FGF14: variants seen among roughly 807,000 people sequenced by gnomAD.
FGF14 encodes the protein fibroblast growth factor 14.
FGF14 carries 5 observed loss-of-function variants against 25.5 expected under a neutral mutation model. That is an observed-to-expected ratio of 0.20 (90% CI 0.10 to 0.41). FGF14 has a LOEUF of 0.41. FGF14 is among the 10% of genes least tolerant of loss of function. The pLI, the probability that FGF14 is intolerant of heterozygous loss-of-function variation, is 1.00. For missense variants in FGF14, 222 were observed against 320.1 expected, an observed-to-expected ratio of 0.69 and a Z score of 2.34; for synonymous variants, 138 against 118.3, an observed-to-expected ratio of 1.17 and a Z score of -1.08.
At chr13:102,355,079 C>T (rs77415017) in intron 1 of FGF14, among the ~76,000 whole-genome samples, 10,851 of 152,212 alleles carry the variant, frequency 0.071, 486 homozygotes, top group East Asian at 0.16. Context: ...ACGTCTTTTT[C>T]ACCTCTGTAT....
At chr13:101,916,337 AGGCCGGGGCCGGG>A in intron 1 of FGF14, 103 bp downstream of exon 1, 2 of 1,287,740 alleles carry the variant, frequency 1.6e-6, no homozygotes, top group South Asian at 2.5e-5. Context: ...CTCAGAAGGG[AGGCCGGGGCCGGG>A]GTGGGCCGGG....
intron 1 of FGF14, among the ~76,000 whole-genome samples, chr13:102,026,774 T>A (rs1227315759): frequency 6.6e-6 from 1 of 152,002 alleles, no homozygotes; most frequent in African/African-American, 2.4e-5. Flanking sequence ...TTATTTTGCA[T>A]GTTTTTTCTT....
At chr13:101,927,007 T>C (rs187728201) in intron 1 of FGF14, among the ~76,000 whole-genome samples, 8 of 152,282 alleles carry the variant, frequency 5.3e-5, no homozygotes, top group Admixed American at 3.9e-4. Flanking sequence ...GAGAACATCA[T>C]GGATATTTTT....
intron 3 of FGF14, among the ~76,000 whole-genome samples, chr13:101,854,497 G>C (rs1305137765): frequency 6.6e-6 from 1 of 152,072 alleles, no homozygotes; most frequent in African/African-American, 2.4e-5. Flanking sequence ...GATGGACATG[G>C]TGATGTTTGC....
At chr13:101,998,902 A>G (rs959656699) in intron 1 of FGF14, among the ~76,000 whole-genome samples, 1 of 152,214 alleles carries the variant, frequency 6.6e-6, no homozygotes, top group Non-Finnish European at 1.5e-5. Context: ...GCTCTACAGT[A>G]TGTGCTTATT....
chr13:102,124,752 G>A (rs190788204), intron 1 of FGF14, among the ~76,000 whole-genome samples: 1 of 151,982 alleles, frequency 6.6e-6, no homozygotes, highest in East Asian at 1.9e-4. Context: ...AGCATCTCTG[G>A]CTTGTTCTTG....
chr13:101,920,522 C>T (rs992926116), upstream of FGF14, among the ~76,000 whole-genome samples: 1 of 152,118 alleles, frequency 6.6e-6, no homozygotes, highest in African/African-American at 2.4e-5. Flanking sequence ...TGTAAAGATC[C>T]TAGTACCACA....
Position 102,105,135 on chromosome 13 carries a change from T to C in FGF14, c.209-229839A>G, listed in dbSNP as rs144769658. 5.0e-3 allele frequency among the ~76,000 whole-genome samples: 763 copies of C among 152,228 alleles called. 14 individuals carry two copies. Among genetic ancestry groups the C allele is most frequent in the African/African-American group, 0.017 (723 of 41,528 alleles). ...GGACATTTACTAAAAAACAGAAAAATGAGGCTAGTTGGCTCTTTTCTTAAT... is the reference window on the plus strand; with the variant it reads ...GGACATTTACTAAAAAACAGAAAAACGAGGCTAGTTGGCTCTTTTCTTAAT... On this transcript the variant is annotated intron_variant, in intron 1 of 4. Transcript: ENST00000376131.
At chr13:102,401,458 A>C (rs2058702438) in intron 1 of FGF14, 1 of 1,612,524 alleles carries the variant, frequency 6.2e-7, no homozygotes, top group Non-Finnish European at 8.5e-7. Flanking sequence ...AACATGATGC[A>C]TGTTTCGCTT....
At chr13:101,769,513 T>C (rs1377413226) in intron 3 of FGF14, among the ~76,000 whole-genome samples, 2 of 152,178 alleles carry the variant, frequency 1.3e-5, no homozygotes, top group Non-Finnish European at 1.5e-5. Context: ...CAAATATCTA[T>C]GGCAGCTGCA....
At chr13:102,303,089 C>A (rs1482464623) in intron 1 of FGF14, among the ~76,000 whole-genome samples, 3 of 152,200 alleles carry the variant, frequency 2.0e-5, no homozygotes. Flanking sequence ...CTCTGCTCCA[C>A]CCAAAGTGGA....
chr13:102,368,976 G>T (rs567625419), intron 1 of FGF14, among the ~76,000 whole-genome samples: 1 of 152,272 alleles, frequency 6.6e-6, no homozygotes, highest in East Asian at 1.9e-4. Context: ...TCATTACACT[G>T]TTTCACAGGA....
At chr13:102,131,231 A>G (rs2046183826) in intron 1 of FGF14, among the ~76,000 whole-genome samples, 2 of 152,182 alleles carry the variant, frequency 1.3e-5, no homozygotes, top group Admixed American at 6.5e-5. Flanking sequence ...TTGCTGGCGT[A>G]CTTGCTACTT....
intron 1 of FGF14, among the ~76,000 whole-genome samples, chr13:102,349,444 T>C (rs561360351): frequency 7.3e-4 from 111 of 152,336 alleles, no homozygotes; most frequent in Non-Finnish European, 1.3e-3. Flanking sequence ...ATAATATTCA[T>C]TCTATTGCTT....
intron 1 of FGF14, among the ~76,000 whole-genome samples, chr13:102,088,131 CT>C (rs2044009369): frequency 6.6e-6 from 1 of 152,304 alleles, no homozygotes; most frequent in African/African-American, 2.4e-5. Context: ...CAAAATCATA[CT>C]TTTTAGTAAG....
At chr13:101,776,211 A>C (rs939045414) in intron 3 of FGF14, among the ~76,000 whole-genome samples, 12 of 152,270 alleles carry the variant, frequency 7.9e-5, no homozygotes, top group African/African-American at 2.6e-4. Flanking sequence ...CTCTGAGTGA[A>C]AGCTGGTTAT....
At chr13:102,046,979 T>C (rs2042012448) in intron 1 of FGF14, among the ~76,000 whole-genome samples, 1 of 152,194 alleles carries the variant, frequency 6.6e-6, no homozygotes, top group Non-Finnish European at 1.5e-5. Flanking sequence ...GGTGTCAGGT[T>C]AGTGTTACAT....
At chr13:102,071,063 T>C (rs148043147) in intron 1 of FGF14, among the ~76,000 whole-genome samples, 1 of 152,182 alleles carries the variant, frequency 6.6e-6, no homozygotes, top group South Asian at 2.1e-4. Context: ...AAATAAGTCA[T>C]AGTTTACACC....
At chr13:102,141,266 G>A (rs1018596110) in intron 1 of FGF14, among the ~76,000 whole-genome samples, 4 of 152,134 alleles carry the variant, frequency 2.6e-5, no homozygotes, top group African/African-American at 9.7e-5. Context: ...TCAGAGACAC[G>A]AAACAGAACT....
Sources: allele counts gnomAD v4.1 joint callset (sites outside exome capture counted in the v4.1 genomes callset), GRCh38; gene constraint gnomAD v4.1.1; transcripts MANE v1.5; gene names NCBI Gene and HGNC (gene_info 2026-07-23, HGNC 2026-07-21).